Variants in NAALADL2 observed in about 807,000 individuals in gnomAD.
The protein encoded by NAALADL2 is N-acetylated alpha-linked acidic dipeptidase like 2, also known as inactive N-acetylated-alpha-linked acidic dipeptidase-like protein 2.
NAALADL2 carries 76 observed loss-of-function variants against 87.2 expected under a neutral mutation model. That is an observed-to-expected ratio of 0.87 (90% CI 0.72 to 1.05). The LOEUF (loss-of-function observed/expected upper bound fraction) is 1.05, where lower values mean the gene tolerates loss of function less well. Ranked by LOEUF, NAALADL2 falls within the 50% of genes least tolerant of loss-of-function variation. The pLI, the probability that NAALADL2 is intolerant of heterozygous loss-of-function variation, is 0.00. For missense variants in NAALADL2, 1,089 were observed against 945.8 expected, an observed-to-expected ratio of 1.15 and a Z score of -1.99; for synonymous variants, 354 against 331.0, an observed-to-expected ratio of 1.07 and a Z score of -0.75.
At chr3:174,665,100 A>G (rs1725842541) in intron 2 of NAALADL2, among the ~76,000 whole-genome samples, 1 of 152,172 alleles carries the variant, frequency 6.6e-6, no homozygotes, top group Non-Finnish European at 1.5e-5. Context: ...CTGACCATTG[A>G]TGCAGTACTT....
At chr3:175,469,950 G>A (rs7653597) in intron 8 of NAALADL2, among the ~76,000 whole-genome samples, 8,089 of 152,098 alleles carry the variant, frequency 0.053, 679 homozygotes, top group African/African-American at 0.18. Context: ...CATCATTTAT[G>A]TGCGCTTAAA....
chr3:175,128,360 T>C (rs1430080578), intron 2 of NAALADL2, among the ~76,000 whole-genome samples: 3 of 152,220 alleles, frequency 2.0e-5, no homozygotes, highest in Non-Finnish European at 4.4e-5. Flanking sequence ...GTCTAATTTT[T>C]CAACATTTGT....
intron 9 of NAALADL2, among the ~76,000 whole-genome samples, chr3:175,552,362 GA>G (rs1284583758): frequency 3.3e-5 from 5 of 152,184 alleles, no homozygotes; most frequent in Non-Finnish European, 2.9e-5. Context: ...AGTGAAAAAA[GA>G]AAATAGAGTA....
At chr3:175,744,002 A>C (rs978609985) in intron 12 of NAALADL2, among the ~76,000 whole-genome samples, 4 of 152,210 alleles carry the variant, frequency 2.6e-5, no homozygotes, top group Admixed American at 1.3e-4. Context: ...ACCTCACATT[A>C]TTCTTCTAGG....
chr3:174,763,259 T>G (rs2097775536), intron 3 of NAALADL2, among the ~76,000 whole-genome samples: 1 of 152,038 alleles, frequency 6.6e-6, no homozygotes, highest in African/African-American at 2.4e-5. Flanking sequence ...TATGATGAAA[T>G]TTCACAATTT....
At chr3:174,962,188 C>A (rs1238769263) in intron 1 of NAALADL2, among the ~76,000 whole-genome samples, 1 of 151,688 alleles carries the variant, frequency 6.6e-6, no homozygotes, top group Non-Finnish European at 1.5e-5. Context: ...GGGCCACAGT[C>A]AAGCCTTCAG....
At chr3:174,817,772 T>C (rs1720961827) in intron 3 of NAALADL2, among the ~76,000 whole-genome samples, 1 of 152,198 alleles carries the variant, frequency 6.6e-6, no homozygotes, top group Non-Finnish European at 1.5e-5. Flanking sequence ...GCATACTTTG[T>C]AGCTTCTTAT....
chr3:174,673,465 A>G (rs1726759418), intron 2 of NAALADL2, among the ~76,000 whole-genome samples: 1 of 152,100 alleles, frequency 6.6e-6, no homozygotes, highest in East Asian at 1.9e-4. Flanking sequence ...ATGTGTACAC[A>G]GTGGAATACT....
At chr3:174,540,227 G>T (rs1722100018) in intron 1 of NAALADL2, among the ~76,000 whole-genome samples, 1 of 152,164 alleles carries the variant, frequency 6.6e-6, no homozygotes, top group South Asian at 2.1e-4. Context: ...CCAGTAGGAT[G>T]TGTAAACATC....
At chr3:175,680,270 G>A (rs745924611) in intron 11 of NAALADL2, among the ~76,000 whole-genome samples, 6 of 152,120 alleles carry the variant, frequency 3.9e-5, no homozygotes, top group Non-Finnish European at 5.9e-5. Flanking sequence ...ATGTTTCAGT[G>A]AATAGATTTT....
intron 2 of NAALADL2, among the ~76,000 whole-genome samples, chr3:175,192,091 C>T (rs950874648): frequency 6.6e-6 from 1 of 151,974 alleles, no homozygotes; most frequent in Non-Finnish European, 1.5e-5. Flanking sequence ...TTTAATTTCC[C>T]TTTTATTATT....
chr3:175,579,190 GA>G (rs1230040243), intron 10 of NAALADL2, among the ~76,000 whole-genome samples: 4 of 124,960 alleles, frequency 3.2e-5, no homozygotes, highest in Non-Finnish European at 7.1e-5. Flanking sequence ...GCAAATCTTA[GA>G]ATTACTATTA....
chr3:175,214,727 T>A (rs1475689682), intron 2 of NAALADL2, among the ~76,000 whole-genome samples: 2 of 152,182 alleles, frequency 1.3e-5, no homozygotes, highest in East Asian at 1.9e-4. Context: ...CCTACTAAAC[T>A]GGGTAACTTT....
chr3:175,141,870 C>A (rs756275798), intron 2 of NAALADL2, among the ~76,000 whole-genome samples: 1 of 152,042 alleles, frequency 6.6e-6, no homozygotes, highest in Non-Finnish European at 1.5e-5. Context: ...GTATTTTAAG[C>A]GCTGGCAGAG....
At chr3:175,766,605 A>C (rs1371419752) in intron 13 of NAALADL2, among the ~76,000 whole-genome samples, 1 of 152,158 alleles carries the variant, frequency 6.6e-6, no homozygotes, top group Non-Finnish European at 1.5e-5. Flanking sequence ...ATCATGTTAG[A>C]CATTTTAGCA....
intron 4 of NAALADL2, among the ~76,000 whole-genome samples, chr3:175,285,016 C>T (rs1287636081): frequency 6.6e-6 from 1 of 152,092 alleles, no homozygotes; most frequent in Non-Finnish European, 1.5e-5. Flanking sequence ...CTATGGGATA[C>T]TTTGCCTCCC....
intron 10 of NAALADL2, among the ~76,000 whole-genome samples, chr3:175,619,313 G>C (rs1016846927): frequency 1.3e-5 from 2 of 151,706 alleles, no homozygotes; most frequent in African/African-American, 4.8e-5. Flanking sequence ...GAAAGAAAAA[G>C]TAAGAAAGAA....
At chr3:174,887,821 CT>C (rs537247141) in intron 1 of NAALADL2, among the ~76,000 whole-genome samples, 680 of 142,100 alleles carry the variant, frequency 4.8e-3, no homozygotes, top group Middle Eastern at 7.2e-3. Flanking sequence ...GCTTGAGCAT[CT>C]TTTTTTTTTT....
chr3:175,427,085 G>T (rs1412655365), intron 5 of NAALADL2, among the ~76,000 whole-genome samples: 1 of 152,096 alleles, frequency 6.6e-6, no homozygotes, highest in African/African-American at 2.4e-5. Context: ...GTAGCCTAAG[G>T]CTTATGACTC....
Sources: gnomAD v4.1 joint callset for allele counts (sites outside exome capture counted in the v4.1 genomes callset) on GRCh38, gnomAD v4.1.1 for gene constraint, MANE v1.5 for transcripts, NCBI Gene and HGNC (gene_info 2026-07-23, HGNC 2026-07-21) for gene names.